Variants in ADAMTSL2 observed in about 807,000 individuals in gnomAD.
ADAMTSL2 encodes ADAMTS like 2, also known as ADAMTS-like protein 2.
ADAMTSL2 carries 55 observed loss-of-function variants against 117.0 expected under a neutral mutation model. The observed-to-expected ratio is 0.47, with a 90% CI of 0.38 to 0.59. ADAMTSL2 has a LOEUF of 0.59. Ranked by LOEUF, ADAMTSL2 falls within the 20% of genes least tolerant of loss-of-function variation. ADAMTSL2 has a pLI of 0.00. For synonymous variants in ADAMTSL2, 572 were observed against 566.4 expected, an observed-to-expected ratio of 1.01 and a Z score of -0.14; for missense variants, 1,182 against 1,354.5, an observed-to-expected ratio of 0.87 and a Z score of 2.00.
chr9:133,574,071 A>C, intron 18 of ADAMTSL2, 84 bp downstream of exon 18: 2 of 1,502,370 alleles, frequency 1.3e-6, no homozygotes, highest in Non-Finnish European at 1.8e-6. Flanking sequence ...GTGAGCAGAC[A>C]TTGCTCACCT....
rs1225790358 is a variant in ADAMTSL2, at chr9:133,568,772, T to C, written c.2244+14T>C. On this transcript the variant is annotated intron_variant, in intron 15 of 18. Coordinates refer to ENST00000651351, the MANE Select transcript of ADAMTSL2 (RefSeq NM_014694.4). ...GACTGGGGACCGGTGAGGCCTGCAC[T>C]GAGGGGTGGCTGGGCGTGCGGCTGG... 5 of 1,612,762 alleles carry C rather than the reference T, an allele frequency of 3.1e-6. No individual in the cohort carries two copies. The African/African-American group carries it at 6.7e-5, about 22-fold the overall frequency.
At chr9:133,571,284 T>C (rs989648167) in intron 17 of ADAMTSL2, among the ~76,000 whole-genome samples, 1 of 152,154 alleles carries the variant, frequency 6.6e-6, no homozygotes, top group Non-Finnish European at 1.5e-5. Context: ...TACTGGGGGC[T>C]GTAGCAGACA....
At chr9:133,539,701 TTA>T in intron 4 of ADAMTSL2, 68 bp from the exon 5 acceptor site, 1 of 353,996 alleles carries the variant, frequency 2.8e-6, no homozygotes, top group Non-Finnish European at 4.2e-6. Flanking sequence ...CACTTCCTGC[TTA>T]GCCTGGACAA....
At chr9:133,565,051 G>T (rs1310432812) in intron 12 of ADAMTSL2, among the ~76,000 whole-genome samples, 1 of 152,158 alleles carries the variant, frequency 6.6e-6, no homozygotes, top group Non-Finnish European at 1.5e-5. Flanking sequence ...CTCGGCTCAG[G>T]TCATAGGTGG....
chr9:133,546,097 C>G (rs1830340927), intron 8 of ADAMTSL2, among the ~76,000 whole-genome samples: 1 of 152,106 alleles, frequency 6.6e-6, no homozygotes, highest in Non-Finnish European at 1.5e-5. Flanking sequence ...GACAGAGTGT[C>G]CCGAGCGCCG....
At chr9:133,539,905 G>T in intron 5 of ADAMTSL2, 32 bp downstream of exon 5, 1 of 1,545,284 alleles carries the variant, frequency 6.5e-7, no homozygotes, top group Non-Finnish European at 8.8e-7. Context: ...CACCTTGCAG[G>T]GAGCTGACTG....
In ADAMTSL2 at chr9:133,561,241, A is replaced by G. The variant is rs1174277116; in HGVS notation, c.1693A>G (p.Met565Val). 5.0e-6 allele frequency: 8 copies of G among 1,608,542 alleles called. No individual in the cohort carries two copies. The highest frequency in any genetic ancestry group is 5.9e-6 in the Non-Finnish European group (7 of 1,178,078). Residue 565 changes from methionine (M) to valine (V), a missense_variant, in exon 12 of 19, where the codon ATG becomes GTG. Physicochemically the swap from Met to Val is conservative, Grantham distance 21. Transcript: ENST00000651351. ...CAAGCAAGGCGTGAGTCCCGCGGAC[A>G]TGTACCGGTGGAAGCTCTCGTCCCA... Reference protein sequence around the residue: ...ARKQGVSPADMYRWKLSSHEP... With the variant: ...ARKQGVSPADVYRWKLSSHEP...
At chr9:133,550,737 C>G (rs1221489523) in intron 9 of ADAMTSL2, among the ~76,000 whole-genome samples, 1 of 152,044 alleles carries the variant, frequency 6.6e-6, no homozygotes. Context: ...GAGTGAGAAG[C>G]CGTGTGCTGG....
At chr9:133,564,706 A>G (rs1308623694) in intron 12 of ADAMTSL2, among the ~76,000 whole-genome samples, 6,108 of 41,812 alleles carry the variant, frequency 0.15, no homozygotes, top group East Asian at 0.19. Flanking sequence ...GAGAGAGAGA[A>G]GGAGAGAGAG....
chr9:133,563,916 AGG>A (rs1564508745), intron 12 of ADAMTSL2, among the ~76,000 whole-genome samples: 1 of 27,124 alleles, frequency 3.7e-5, no homozygotes, highest in Non-Finnish European at 7.4e-5. Flanking sequence ...AGAGAGAGAG[AGG>A]GAGAGAGAGA....
Position 133,554,463 on chromosome 9 carries a change from G to A in ADAMTSL2, c.1046G>A (p.Ser349Asn). The part of the protein sequence containing the change: ...PQPIYYGFSE[S>N]AESQGLDGAG... The stretch of plus-strand genomic sequence containing the variant: ...CCCATCTACTATGGCTTCTCCGAGA[G>A]CGCTGAGAGCCAGGGCCTGGACGGG... Residue 349 changes from serine to asparagine, a missense_variant, in exon 10 of 19, where the codon AGC (serine) becomes AAC (asparagine). Ser to Asn is a conservative substitution (Grantham distance 46, BLOSUM62 1). Transcript: ENST00000651351. The surrounding 1 kb of genome is among the most constrained non-coding windows in gnomAD (Gnocchi z 5.2). 1.9e-6 allele frequency: 3 copies of A among 1,555,980 alleles called. No homozygotes were observed. Among genetic ancestry groups the A allele is most frequent in the Non-Finnish European group, 1.7e-6 (2 of 1,150,210 alleles).
rs1157831021 is a variant in ADAMTSL2 at position 133,570,411 on chromosome 9, C to T, written c.2496C>T (p.Arg832=). The T allele has an allele frequency of 5.6e-6, 9 of 1,594,502 alleles. No individual in the cohort carries two copies. Among genetic ancestry groups the T allele is most frequent in the South Asian group, 1.1e-5 (1 of 88,128 alleles). The change falls in exon 17 of 19, where the codon CGC becomes CGT. Residue 832 remains arginine, a synonymous_variant. Transcript: ENST00000651351. ...MELANGKPQT[R]SGPECGLAKK... ...TGGCCAACGGGAAGCCGCAGACGCG[C>T]AGTGGCCCCGAGTGCGGGCTCGCCA...
At chr9:133,573,574 G>T (rs2131191600) in intron 17 of ADAMTSL2, among the ~76,000 whole-genome samples, 1 of 152,348 alleles carries the variant, frequency 6.6e-6, no homozygotes, top group Admixed American at 6.5e-5. Context: ...CCCTCACTGT[G>T]GATCTGGGGA....
At chr9:133,542,109 A>T (rs982180954) in intron 7 of ADAMTSL2, among the ~76,000 whole-genome samples, 1 of 152,186 alleles carries the variant, frequency 6.6e-6, no homozygotes, top group Non-Finnish European at 1.5e-5. Context: ...CGTGTCTTGA[A>T]GGTCGAGGGA....
At chr9:133,567,156 A>G in intron 13 of ADAMTSL2, 94 bp downstream of exon 13, 1 of 1,488,076 alleles carries the variant, frequency 6.7e-7, no homozygotes, top group Non-Finnish European at 9.1e-7. Flanking sequence ...TGCCCCGTAG[A>G]GGTTCTTCGT....
At chr9:133,570,562 TC>T (rs1240901158) in intron 17 of ADAMTSL2, 55 bp downstream of exon 17, 2 of 1,535,908 alleles carry the variant, frequency 1.3e-6, no homozygotes, top group African/African-American at 1.4e-5. Flanking sequence ...TGAATGTCGA[TC>T]CCGCCCCTCC....
At chr9:133,544,435 T>A in intron 7 of ADAMTSL2, 35 bp from the exon 8 acceptor site, 1 of 1,575,826 alleles carries the variant, frequency 6.3e-7, no homozygotes. Context: ...GCCTTTCCAA[T>A]CAAGAGGGGC....
At chr9:133,533,221 C>G (rs1327925318), upstream of ADAMTSL2, among the ~76,000 whole-genome samples, 1 of 151,022 alleles carries the variant, frequency 6.6e-6, no homozygotes, top group Non-Finnish European at 1.5e-5. Flanking sequence ...GCCACCATGT[C>G]TGTGATTCAG....
intron 1 of ADAMTSL2, among the ~76,000 whole-genome samples, chr9:133,535,146 C>T (rs1471700063): frequency 2.6e-5 from 4 of 152,164 alleles, no homozygotes; most frequent in Non-Finnish European, 5.9e-5. Flanking sequence ...TCTGCTGCCG[C>T]CAGCCGCTGC....
Sources: gnomAD v4.1 joint callset for allele counts (sites outside exome capture counted in the v4.1 genomes callset) on GRCh38, gnomAD v4.1.1 for gene constraint, Gnocchi (gnomAD v3.1) non-coding constraint, MANE v1.5 for transcripts, NCBI Gene and HGNC (gene_info 2026-07-23, HGNC 2026-07-21) for gene names.